The following CSMD3 variants were observed in gnomAD, a reference collection of about 807,000 sequenced individuals.
The protein encoded by CSMD3 is CUB and sushi domain-containing protein 3.
A neutral mutation model predicts 435.2 loss-of-function variants in CSMD3; 177 were observed. That is an observed-to-expected ratio of 0.41 (90% CI 0.36 to 0.46). The LOEUF is 0.46. Ranked by LOEUF, CSMD3 falls within the 20% of genes least tolerant of loss-of-function variation. The pLI is 0.34. For synonymous variants in CSMD3, 1,656 were observed against 1,520.5 expected (o/e 1.09, Z -2.07); for missense variants, 4,265 against 4,504.6 (o/e 0.95, Z 1.52).
At chr8:112,805,702 A>G (rs889657746) in intron 12 of CSMD3, among the ~76,000 whole-genome samples, 3 of 152,180 alleles carry the variant, frequency 2.0e-5, no homozygotes, top group African/African-American at 4.8e-5. Context: ...CGATTTATCT[A>G]TGATCTGTTT....
chr8:112,354,450 A>G lies in CSMD3; in HGVS notation c.6137-1916T>C, dbSNP rs534275421. On this transcript the variant is annotated intron_variant, in intron 38 of 70. Transcript: ENST00000297405. ...AACATGATTTTATACTTGGAAGACCATAAAGAATCTGCCAAAAGGCTCATA... is the reference window on the plus strand; with the variant it reads ...AACATGATTTTATACTTGGAAGACCGTAAAGAATCTGCCAAAAGGCTCATA... 2.3e-3 allele frequency among the ~76,000 whole-genome samples: 350 copies of G among 152,314 alleles called. 6 individuals carry two copies. Among genetic ancestry groups the G allele is most frequent in the Non-Finnish European group, 3.0e-3 (207 of 68,018 alleles).
chr8:112,762,949 T>G, intron 13 of CSMD3, among the ~76,000 whole-genome samples: 1 of 151,710 alleles, frequency 6.6e-6, no homozygotes, highest in Non-Finnish European at 1.5e-5. Flanking sequence ...TGCAAAGTTT[T>G]AGTCAGATAG....
chr8:112,383,429 C>A (rs1425284065), intron 37 of CSMD3, 138 bp downstream of exon 37: 2 of 632,638 alleles, frequency 3.2e-6, no homozygotes, highest in Non-Finnish European at 5.7e-6. Flanking sequence ...ATCTTTTAAA[C>A]TTCAGTCCTT....
chr8:112,304,427 A>G (rs1252893651), intron 52 of CSMD3, among the ~76,000 whole-genome samples: 1 of 151,878 alleles, frequency 6.6e-6, no homozygotes, highest in Non-Finnish European at 1.5e-5. Flanking sequence ...AAGGACTAAA[A>G]GCAGTGTCTG....
Position 112,281,354 on chromosome 8 carries a change from T to A in CSMD3, c.9332-4A>T, listed in dbSNP as rs777280962. 8.7e-6 allele frequency: 14 copies of A among 1,610,840 alleles called. No individual in the cohort carries two copies. Among genetic ancestry groups the A allele is most frequent in the Non-Finnish European group, 1.2e-5 (14 of 1,177,318 alleles). ...CCTGGGTTACCACACTGCACAGCTA[T>A]AAAACAAAGTGTTTAAGAGTATATA... is the stretch of plus-strand genomic sequence containing the variant. On this transcript the variant is annotated splice_region_variant and splice_polypyrimidine_tract_variant and intron_variant, in intron 58 of 70. Coordinates refer to ENST00000297405, the MANE Select transcript of CSMD3 (RefSeq NM_198123.2).
At chr8:113,112,847 C>T (rs1428504850) in intron 4 of CSMD3, among the ~76,000 whole-genome samples, 1 of 152,018 alleles carries the variant, frequency 6.6e-6, no homozygotes. Context: ...GTCCTCTGAC[C>T]ACCTCAATAA....
At chr8:113,277,044 A>C (rs979105846) in intron 3 of CSMD3, among the ~76,000 whole-genome samples, 1 of 152,016 alleles carries the variant, frequency 6.6e-6, no homozygotes, top group Admixed American at 6.6e-5. Context: ...TACATTTTCA[A>C]TATATTTAGT....
intron 4 of CSMD3, among the ~76,000 whole-genome samples, chr8:113,155,470 A>G (rs940058437): frequency 3.9e-5 from 6 of 152,080 alleles, no homozygotes; most frequent in Admixed American, 3.3e-4. Context: ...AAAGAATAAC[A>G]TAAATTCCAA....
Position 112,645,182 on chromosome 8 carries a change from T to C in CSMD3, c.3237A>G (p.Leu1079=), listed in dbSNP as rs1199900781. Residue 1079 remains leucine (L), a synonymous_variant, in exon 20 of 71, where the codon TTA becomes TTG. Transcript: ENST00000297405. Reference sequence around the variant, plus strand: ...GATAAAATTCCGGGTAACCAGGTGATAAGATTGTTCCACTAGGCCCTCTAA... The same window carrying C: ...GATAAAATTCCGGGTAACCAGGTGACAAGATTGTTCCACTAGGCCCTCTAA... The part of the protein sequence containing the change: ...GDVRGPSGTI[L]SPGYPEFYPN... 3.1e-6 allele frequency: 5 copies of C among 1,608,346 alleles called. No individual in the cohort carries two copies. Among genetic ancestry groups the C allele is most frequent in the African/African-American group, 2.7e-5 (2 of 74,770 alleles).
At chr8:112,505,852 C>G (rs1487983301) in intron 29 of CSMD3, among the ~76,000 whole-genome samples, 1 of 151,982 alleles carries the variant, frequency 6.6e-6, no homozygotes, top group Non-Finnish European at 1.5e-5. Context: ...CAGTGGTCTA[C>G]CTAAGGTCAC....
At chr8:112,380,559 G>C in intron 37 of CSMD3, 103 bp from the exon 38 acceptor site, 1 of 698,912 alleles carries the variant, frequency 1.4e-6, no homozygotes, top group South Asian at 1.6e-5. Flanking sequence ...CTAAAAATAT[G>C]CATTATTCAA....
chr8:113,256,135 G>T (rs952110763), intron 3 of CSMD3, among the ~76,000 whole-genome samples: 1 of 149,126 alleles, frequency 6.7e-6, no homozygotes. Context: ...ACAGCAGAAA[G>T]AAAAAAAAAG....
chr8:112,598,530 T>C (rs373156089), intron 22 of CSMD3, among the ~76,000 whole-genome samples: 2 of 149,910 alleles, frequency 1.3e-5, no homozygotes, highest in East Asian at 1.9e-4. Flanking sequence ...TTAAAGTTCA[T>C]ATGGAACCAA....
chr8:113,418,083 T>C (rs1228587319), intron 1 of CSMD3, among the ~76,000 whole-genome samples: 1 of 152,094 alleles, frequency 6.6e-6, no homozygotes, highest in African/African-American at 2.4e-5. Flanking sequence ...CTACATAAGA[T>C]TCAACGGAGA....
intron 45 of CSMD3, among the ~76,000 whole-genome samples, chr8:112,320,951 G>C (rs1822944762): frequency 6.6e-6 from 1 of 152,044 alleles, no homozygotes; most frequent in African/African-American, 2.4e-5. Context: ...CATTGGATTA[G>C]ATTGGCATTT....
chr8:112,458,977 C>G (rs1817147937), intron 32 of CSMD3, among the ~76,000 whole-genome samples: 1 of 152,026 alleles, frequency 6.6e-6, no homozygotes, highest in Non-Finnish European at 1.5e-5. Context: ...ATACACAGAT[C>G]TCACTCATCC....
chr8:113,241,451 A>G (rs1348519428), intron 3 of CSMD3, among the ~76,000 whole-genome samples: 1 of 152,052 alleles, frequency 6.6e-6, no homozygotes, highest in African/African-American at 2.4e-5. Context: ...CATCACAAAT[A>G]TCTTTTCACA....
intron 13 of CSMD3, among the ~76,000 whole-genome samples, chr8:112,729,516 C>G (rs979535839): frequency 2.0e-5 from 3 of 152,038 alleles, no homozygotes; most frequent in Non-Finnish European, 4.4e-5. Flanking sequence ...CAAAAGATGT[C>G]TATGTCAATC....
chr8:112,263,582 T>C, intron 61 of CSMD3, 57 bp downstream of exon 61: 2 of 1,412,918 alleles, frequency 1.4e-6, no homozygotes, highest in Non-Finnish European at 9.9e-7. Context: ...ATCTCATATT[T>C]GGTCTAGAAA....
Sources: allele counts gnomAD v4.1 joint callset (sites outside exome capture counted in the v4.1 genomes callset), GRCh38; gene constraint gnomAD v4.1.1; transcripts MANE v1.5; gene names NCBI Gene and HGNC (gene_info 2026-07-23, HGNC 2026-07-21).